Variants in AGO1 observed in about 807,000 individuals in gnomAD.
The protein encoded by AGO1 is protein argonaute-1.
Under a neutral mutation model 109.2 loss-of-function variants are expected in AGO1, and 11 were observed. The observed-to-expected ratio is 0.10, with a 90% CI of 0.06 to 0.17. The LOEUF (loss-of-function observed/expected upper bound fraction) is 0.17, where lower values mean the gene tolerates loss of function less well. Ranked by LOEUF, AGO1 falls within the 10% of genes least tolerant of loss-of-function variation. The pLI is 1.00. For missense variants in AGO1, 574 were observed against 1,140.3 expected (o/e 0.50, Z 7.15); for synonymous variants, 422 against 418.6 (o/e 1.01, Z -0.10).
In AGO1 at chr1:35,888,575, C is replaced by T; in HGVS notation, c.174C>T (p.Asp58=). The T allele has an allele frequency of 6.2e-7, 1 of 1,614,206 alleles. No homozygotes were observed. Among genetic ancestry groups the T allele is most frequent in the Non-Finnish European group, 8.5e-7 (1 of 1,180,028 alleles). The change falls in exon 2 of 19, where the codon GAC becomes GAT. Residue 58 remains aspartate, a synonymous_variant. Coordinates refer to ENST00000373204, the MANE Select transcript of AGO1 (RefSeq NM_012199.5). This position sits in a 1 kb window ranked among gnomAD's most constrained non-coding sequence, Gnocchi z 4.1. ...TCGACGTGTACCACTACGAGGTGGA[C>T]ATCAAGCCGGATAAGTGTCCCCGTA... ...PKIDVYHYEV[D]IKPDKCPRRV...
intron 1 of AGO1, among the ~76,000 whole-genome samples, chr1:35,887,887 G>C (rs932044076): frequency 8.6e-5 from 13 of 151,824 alleles, no homozygotes; most frequent in Non-Finnish European, 1.5e-5. Flanking sequence ...TCCAACTCTC[G>C]CCATTCAGTT....
Position 35,906,927 on chromosome 1 carries a change from G to T in AGO1, c.1398-8G>T. The T allele has an allele frequency of 6.2e-7, 1 of 1,606,400 alleles. No homozygotes were observed. Among genetic ancestry groups the T allele is most frequent in the Non-Finnish European group, 8.5e-7 (1 of 1,175,566 alleles). On this transcript the variant is annotated splice_polypyrimidine_tract_variant and splice_region_variant and intron_variant, in intron 11 of 18. Coordinates refer to ENST00000373204, the MANE Select transcript of AGO1 (RefSeq NM_012199.5). ...CACTGCCTCCTTTGTGACCATGCGTGTGTACAGGAACTTCACAGACCAGCT... is the reference window on the plus strand; with the variant it reads ...CACTGCCTCCTTTGTGACCATGCGTTTGTACAGGAACTTCACAGACCAGCT...
chr1:35,902,100 C>T (rs763446247), intron 10 of AGO1, 30 bp downstream of exon 10: 68 of 1,588,464 alleles, frequency 4.3e-5, no homozygotes, highest in South Asian at 8.0e-5. Context: ...GACAACATCT[C>T]GGGGCATATG....
Position 35,893,605 on chromosome 1 carries a change from C to A in AGO1, c.513-69C>A. The A allele has an allele frequency of 6.7e-7, 1 of 1,494,916 alleles. No individual in the cohort carries two copies. The allele number at this position is 1,494,916 out of a possible 1,614,324, so 92.6% of individuals were successfully genotyped here. On this transcript the variant is annotated intron_variant, in intron 4 of 18. Coordinates refer to ENST00000373204, the MANE Select transcript of AGO1 (RefSeq NM_012199.5). The surrounding 1 kb of genome is among the most constrained non-coding windows in gnomAD (Gnocchi z 5.6). ...CCTGCCTTTCAGGCCAGGGCTCCTC[C>A]GTGCCCAGGATGCCTCACAGGGTGG...
At chr1:35,871,922 T>C (rs1644954433) in intron 1 of AGO1, among the ~76,000 whole-genome samples, 3 of 150,994 alleles carry the variant, frequency 2.0e-5, no homozygotes, top group Admixed American at 2.0e-4. Context: ...ACAAAAAAAT[T>C]AGCCGGGTGT....
In AGO1 at chr1:35,888,537, G is replaced by A. The variant is rs199891800; in HGVS notation, c.136G>A (p.Asp46Asn). The change falls in exon 2 of 19, where the codon GAC becomes AAC. Residue 46 changes from aspartate to asparagine, a missense_variant. Physicochemically the swap from Asp to Asn is conservative, Grantham distance 23. This residue lies in a region of AGO1 where 89 missense variants were observed against 109.6 expected (regional missense o/e 0.81). Coordinates refer to ENST00000373204, the MANE Select transcript of AGO1 (RefSeq NM_012199.5). The surrounding 1 kb of genome is among the most constrained non-coding windows in gnomAD (Gnocchi z 4.1). Reference protein sequence around the residue: ...IKLLANYFEVDIPKIDVYHYE... With the variant: ...IKLLANYFEVNIPKIDVYHYE... ...GCTCCTGGCCAATTACTTTGAGGTGGACATCCCTAAGATCGACGTGTACCA... is the reference window on the plus strand; with the variant it reads ...GCTCCTGGCCAATTACTTTGAGGTGAACATCCCTAAGATCGACGTGTACCA... The A allele has an allele frequency of 1.2e-5, 20 of 1,614,242 alleles. No homozygotes were observed. Among genetic ancestry groups the A allele is most frequent in the Non-Finnish European group, 1.6e-5 (19 of 1,180,044 alleles).
rs912638957 is a variant in AGO1 at position 35,890,758 on chromosome 1, C to G, written c.210-1799C>G. Among the ~76,000 whole-genome samples, 5 of 152,166 alleles carry G rather than the reference C, an allele frequency of 3.3e-5. No homozygotes were observed. The East Asian group carries it at 9.6e-4, about 29-fold the overall frequency. On this transcript the variant is annotated intron_variant, in intron 2 of 18. Transcript: ENST00000373204. ...AAGTTGTATCAACTTATACTCCCAT[C>G]AATAAGGCATCAGAGTGTGTCTTCC...
chr1:35,888,470 ACCTCGC>A lies in AGO1; in HGVS notation c.71_76del (p.Pro24_Arg25del). On this transcript the variant is annotated inframe_deletion, in exon 2 of 19. Coordinates refer to ENST00000373204, the MANE Select transcript of AGO1 (RefSeq NM_012199.5). This position sits in a 1 kb window ranked among gnomAD's most constrained non-coding sequence, Gnocchi z 4.1. ...CCCCCCTGCAGCAGGTGTTCCAGGC[ACCTCGC>A]CGGCCTGGCATTGGCACTGTGGGGA... 6.2e-7 allele frequency: 1 copy of A among 1,614,096 alleles called. No individual in the cohort carries two copies. Among genetic ancestry groups the A allele is most frequent in the Non-Finnish European group, 8.5e-7 (1 of 1,180,008 alleles).
chr1:35,895,283 G>A lies in AGO1; in HGVS notation c.1020+14G>A, dbSNP rs1339371432. ...CTTCCCCTAGAGGTGAGATTGCCAA[G>A]TAATGGCTGGGGAATAGGCATTGTA... On this transcript the variant is annotated intron_variant, in intron 8 of 18. Transcript: ENST00000373204. The A allele has an allele frequency of 3.7e-6, 6 of 1,609,820 alleles. No individual in the cohort carries two copies. Among genetic ancestry groups the A allele is most frequent in the Non-Finnish European group, 5.1e-6 (6 of 1,177,592 alleles).
chr1:35,894,155 C>G lies in AGO1; in HGVS notation c.768C>G (p.Phe256Leu). 1 of 1,576,024 alleles carries G rather than the reference C, an allele frequency of 6.3e-7. No homozygotes were observed. The highest frequency in any genetic ancestry group is 8.6e-7 in the Non-Finnish European group (1 of 1,161,540). ...KPLTDSQRVR[F>L]TKEIKGLKVE... is the part of the protein sequence containing the mutation. Reference sequence around the variant, plus strand: ...TCACGGACTCTCAGCGCGTTCGCTTCACCAAGGAGATCAAGGGTGAGGACC... The same window carrying G: ...TCACGGACTCTCAGCGCGTTCGCTTGACCAAGGAGATCAAGGGTGAGGACC... Residue 256 changes from phenylalanine to leucine, a missense_variant, in exon 6 of 19, where the codon TTC becomes TTG. Around this residue, in one of 8 missense-constraint regions of AGO1, gnomAD observed 129 missense variants for 243.0 expected, o/e 0.53. Coordinates refer to ENST00000373204, the MANE Select transcript of AGO1 (RefSeq NM_012199.5).
rs369443213 is a variant in AGO1 at position 35,917,578 on chromosome 1, T to C, written c.2029-15T>C. The C allele has an allele frequency of 6.2e-7, 1 of 1,601,610 alleles. No homozygotes were observed. Among genetic ancestry groups the C allele is most frequent in the South Asian group, 1.1e-5 (1 of 90,002 alleles). ...GTGTATTTCTTTGTTTCCCTCCCCA[T>C]TTTTTTGTGCCTAGATACTCCACTA... On this transcript the variant is annotated splice_polypyrimidine_tract_variant and intron_variant, in intron 15 of 18. Coordinates refer to ENST00000373204, the MANE Select transcript of AGO1 (RefSeq NM_012199.5).
chr1:35,913,786 T>A, intron 12 of AGO1, 56 bp from the exon 13 acceptor site: 1 of 1,566,976 alleles, frequency 6.4e-7, no homozygotes, highest in Non-Finnish European at 8.7e-7. Flanking sequence ...TGGCATCTAG[T>A]AGGCATTCAG....
rs367804645 is a variant in AGO1, at chr1:35,894,206, C to T, written c.784+35C>T. On this transcript the variant is annotated intron_variant, in intron 6 of 18. Coordinates refer to ENST00000373204, the MANE Select transcript of AGO1 (RefSeq NM_012199.5). ...CAACAGGAGGGGAAGGGAAACAGCG[C>T]CACTTTAGCCCTAAGAGGAAATCCC... The T allele has an allele frequency of 1.3e-5, 21 of 1,568,918 alleles. No homozygotes were observed. The African/African-American group carries it at 2.8e-4, about 21-fold the overall frequency.
At chr1:35,902,125 G>A in intron 10 of AGO1, 55 bp downstream of exon 10, 2 of 1,585,458 alleles carry the variant, frequency 1.3e-6, no homozygotes, top group Non-Finnish European at 1.7e-6. Flanking sequence ...TGGTTGGGTT[G>A]TATAGCCAGG....
rs1401165263 is a variant in AGO1, at chr1:35,920,870, A to T, written c.*1263A>T. The stretch of plus-strand genomic sequence containing the variant: ...AGAGAGAAAACAAAATGTTATTTTT[A>T]TACCATAACTTGAGTGTATTGCCAA... On this transcript the variant is annotated 3_prime_UTR_variant, in exon 19 of 19. Transcript: ENST00000373204. 2.0e-5 allele frequency: 3 copies of T among 152,658 alleles called. No homozygotes were observed. Among genetic ancestry groups the T allele is most frequent in the Non-Finnish European group, 4.4e-5 (3 of 68,032 alleles). 9.5% of individuals were successfully genotyped at this position (152,658 alleles called of 1,614,324 possible).
At chr1:35,908,180 C>G (rs546146983) in intron 12 of AGO1, among the ~76,000 whole-genome samples, 1 of 152,306 alleles carries the variant, frequency 6.6e-6, no homozygotes, top group East Asian at 1.9e-4. Flanking sequence ...ATTCTTTAGC[C>G]TCTTTCAGCC....
chr1:35,885,369 T>C (rs1645104121), intron 1 of AGO1, among the ~76,000 whole-genome samples: 2 of 152,160 alleles, frequency 1.3e-5, no homozygotes, highest in Non-Finnish European at 2.9e-5. Flanking sequence ...AAAAATTTGT[T>C]ACAAAAAATA....
chr1:35,907,206 A>T, intron 12 of AGO1, 87 bp downstream of exon 12: 1 of 1,307,420 alleles, frequency 7.6e-7, no homozygotes, highest in Non-Finnish European at 1.0e-6. Flanking sequence ...CTCAGTCTGG[A>T]TTCTTGGCTT....
chr1:35,871,318 G>C (rs1452808061), intron 1 of AGO1, among the ~76,000 whole-genome samples: 1 of 151,974 alleles, frequency 6.6e-6, no homozygotes, highest in African/African-American at 2.4e-5. Flanking sequence ...GGCCGAGGTG[G>C]GTGGGTCGCC....
Sources: gnomAD v4.1 joint callset for allele counts (sites outside exome capture counted in the v4.1 genomes callset) on GRCh38, gnomAD v4.1.1 for gene constraint, gnomAD v4.1.1 regional missense constraint, Gnocchi (gnomAD v3.1) non-coding constraint, MANE v1.5 for transcripts, NCBI Gene and HGNC (gene_info 2026-07-23, HGNC 2026-07-21) for gene names.